The following ADGRL2 variants were observed in gnomAD, a reference collection of about 807,000 sequenced individuals.
ADGRL2 encodes the protein adhesion G protein-coupled receptor L2, also known as calcium-independent alpha-latrotoxin receptor 2.
ADGRL2 carries 44 observed loss-of-function variants against 157.4 expected under a neutral mutation model. The ratio of observed to expected loss-of-function variants is 0.28; its 90% CI spans 0.22 to 0.36. The LOEUF (loss-of-function observed/expected upper bound fraction) is 0.36, where lower values mean the gene tolerates loss of function less well. Ranked by LOEUF, ADGRL2 falls within the 10% of genes least tolerant of loss-of-function variation. ADGRL2 has a pLI of 1.00. For synonymous variants in ADGRL2, 585 were observed against 624.7 expected, an observed-to-expected ratio of 0.94 and a Z score of 0.95; for missense variants, 1,510 against 1,768.9, an observed-to-expected ratio of 0.85 and a Z score of 2.63.
intron 2 of ADGRL2, among the ~76,000 whole-genome samples, chr1:81,510,587 T>C (rs1257663118): frequency 6.6e-6 from 1 of 152,124 alleles, no homozygotes; most frequent in African/African-American, 2.4e-5. Context: ...AGATATGCAT[T>C]GGCGATAATA....
intron 3 of ADGRL2, among the ~76,000 whole-genome samples, chr1:81,921,478 T>C (rs115787520): frequency 0.011 from 1,660 of 152,312 alleles, 20 homozygotes; most frequent in African/African-American, 0.037. Flanking sequence ...CATTCATTAT[T>C]TAATGTGCTT....
chr1:81,555,107 C>T (rs2080240643), intron 2 of ADGRL2, among the ~76,000 whole-genome samples: 1 of 151,752 alleles, frequency 6.6e-6, no homozygotes, highest in Non-Finnish European at 1.5e-5. Context: ...ACAAAATGAG[C>T]CAAGGCACAG....
At chr1:81,432,797 C>A (rs532856553) in intron 1 of ADGRL2, among the ~76,000 whole-genome samples, 1 of 152,220 alleles carries the variant, frequency 6.6e-6, no homozygotes, top group South Asian at 2.1e-4. Context: ...TTCAAGAGTA[C>A]CAGGAGCTTC....
intron 2 of ADGRL2, among the ~76,000 whole-genome samples, chr1:81,533,769 C>G (rs970638951): frequency 6.6e-6 from 1 of 152,090 alleles, no homozygotes; most frequent in Non-Finnish European, 1.5e-5. Flanking sequence ...CTGGAAATAA[C>G]TCCATATCCA....
chr1:81,484,452 A>G (rs1162412594), intron 2 of ADGRL2, among the ~76,000 whole-genome samples: 1 of 152,190 alleles, frequency 6.6e-6, no homozygotes, highest in East Asian at 1.9e-4. Context: ...GTCAGATAGC[A>G]GACTTGTTCC....
At chr1:81,383,453 G>C (rs2076376923) in intron 1 of ADGRL2, among the ~76,000 whole-genome samples, 1 of 151,954 alleles carries the variant, frequency 6.6e-6, no homozygotes, top group South Asian at 2.1e-4. Context: ...AGCCACCACG[G>C]GTGATTATAT....
At chr1:81,857,585 G>A (rs1242381002) in intron 2 of ADGRL2, among the ~76,000 whole-genome samples, 2 of 152,126 alleles carry the variant, frequency 1.3e-5, no homozygotes, top group Non-Finnish European at 2.9e-5. Context: ...CCCACAGACG[G>A]TTCTTTTTGG....
At chr1:81,669,281 G>T (rs189165274) in intron 3 of ADGRL2, among the ~76,000 whole-genome samples, 116 of 152,104 alleles carry the variant, frequency 7.6e-4, no homozygotes, top group Non-Finnish European at 1.5e-3. Flanking sequence ...CGCCACTGAG[G>T]CACACAACTA....
chr1:81,609,824 C>G (rs2081504566), intron 3 of ADGRL2, among the ~76,000 whole-genome samples: 1 of 152,250 alleles, frequency 6.6e-6, no homozygotes, highest in South Asian at 2.1e-4. Flanking sequence ...CTCTCAATAT[C>G]TTGTTCATGT....
chr1:81,832,605 A>AGTTT (rs751656015), intron 1 of ADGRL2, among the ~76,000 whole-genome samples: 4 of 152,258 alleles, frequency 2.6e-5, no homozygotes, highest in Non-Finnish European at 4.4e-5. Context: ...CTGTATAAAT[A>AGTTT]GTTTAATTAA....
chr1:81,355,251 C>T (rs1411893473), intron 1 of ADGRL2, among the ~76,000 whole-genome samples: 2 of 151,848 alleles, frequency 1.3e-5, no homozygotes, highest in African/African-American at 2.4e-5. Context: ...CCCAGCTACT[C>T]GGGAGGCTGA....
chr1:81,329,940 T>C lies in ADGRL2; in HGVS notation c.-302+23431T>C, dbSNP rs1661161092. ...TTTCTGACAGCTCTGCTGGTATAGATTTACTTCTTTTGCTTTGCACATTTC... is the reference window on the plus strand; with the variant it reads ...TTTCTGACAGCTCTGCTGGTATAGACTTACTTCTTTTGCTTTGCACATTTC... On this transcript the variant is annotated intron_variant, in intron 1 of 24. Coordinates refer to the ADGRL2 transcript ENST00000370721. Among the ~76,000 whole-genome samples, 5 of 152,296 alleles carry C rather than the reference T, an allele frequency of 3.3e-5. No homozygotes were observed. In the South Asian group the frequency reaches 1.0e-3, roughly 32 times the overall value.
rs1207429012 is a variant in ADGRL2, at chr1:81,958,494, A to G, written c.2017+2434A>G. On this transcript the variant is annotated intron_variant, in intron 11 of 23. Coordinates refer to ENST00000686636, the MANE Select transcript of ADGRL2 (RefSeq NM_001366006.2). ...TATAATGTCTTAGGTTATTAAAACAATTTGATTTTCCTCCTTAGTGATTTC... is the reference window on the plus strand; with the variant it reads ...TATAATGTCTTAGGTTATTAAAACAGTTTGATTTTCCTCCTTAGTGATTTC... 2.6e-5 allele frequency among the ~76,000 whole-genome samples: 4 copies of G among 152,186 alleles called. No homozygotes were observed. In the South Asian group the frequency reaches 8.3e-4, roughly 32 times the overall value.
intron 2 of ADGRL2, among the ~76,000 whole-genome samples, chr1:81,530,595 T>G (rs999370017): frequency 6.6e-6 from 1 of 152,038 alleles, no homozygotes; most frequent in African/African-American, 2.4e-5. Flanking sequence ...GTGGTCCGAC[T>G]GCCTCAGCCT....
intron 3 of ADGRL2, among the ~76,000 whole-genome samples, chr1:81,924,164 A>C (rs2095051245): frequency 1.3e-5 from 2 of 152,116 alleles, no homozygotes. Context: ...TGCCTCCCTC[A>C]AGTATATAAC....
intron 2 of ADGRL2, among the ~76,000 whole-genome samples, chr1:81,519,697 C>T (rs898149051): frequency 2.0e-5 from 3 of 152,164 alleles, no homozygotes; most frequent in African/African-American, 4.8e-5. Context: ...AAGAGTTAGG[C>T]ATTACTGTCA....
chr1:81,673,055 G>A (rs627084), intron 3 of ADGRL2, among the ~76,000 whole-genome samples: 112,354 of 152,082 alleles, frequency 0.74, 41,834 homozygotes, highest in South Asian at 0.79. Flanking sequence ...TGCCTCATTT[G>A]ATCAAGTGAC....
chr1:81,495,670 A>G (rs2078716375), intron 2 of ADGRL2, among the ~76,000 whole-genome samples: 1 of 152,160 alleles, frequency 6.6e-6, no homozygotes. Context: ...TCCATAGAAA[A>G]ACTTGCACAA....
At chr1:81,496,141 A>G (rs1437890068) in intron 2 of ADGRL2, among the ~76,000 whole-genome samples, 1 of 152,160 alleles carries the variant, frequency 6.6e-6, no homozygotes, top group Admixed American at 6.6e-5. Flanking sequence ...AAATAACACA[A>G]TAGGAAATGT....
Sources: gnomAD v4.1 joint callset for allele counts (sites outside exome capture counted in the v4.1 genomes callset) on GRCh38, gnomAD v4.1.1 for gene constraint, MANE v1.5 for transcripts, NCBI Gene and HGNC (gene_info 2026-07-23, HGNC 2026-07-21) for gene names.